The following C10orf88 variants were observed in gnomAD, a reference collection of about 807,000 sequenced individuals.
C10orf88 encodes ATPase PAAT.
In C10orf88, 29 loss-of-function variants were observed where a neutral mutation model predicts 34.2. That is an observed-to-expected ratio of 0.85 (90% CI 0.63 to 1.16). C10orf88 has a LOEUF of 1.16. Among genes scored for constraint, C10orf88 ranks in the 50% most tolerant of loss-of-function variants. The pLI is 0.00. For synonymous variants in C10orf88, 194 were observed against 197.4 expected (o/e 0.98, Z 0.15); for missense variants, 507 against 533.2 (o/e 0.95, Z 0.48).
chr10:122,940,357 T>C (rs1157366257), intron 4 of C10orf88, among the ~76,000 whole-genome samples: 1 of 151,892 alleles, frequency 6.6e-6, no homozygotes, highest in Non-Finnish European at 1.5e-5. Context: ...ATATCTAAAA[T>C]AGTTAAACTC....
At chr10:122,938,355 G>A (rs903984041) in intron 4 of C10orf88, among the ~76,000 whole-genome samples, 196 bp from the exon 5 acceptor site, 1 of 152,052 alleles carries the variant, frequency 6.6e-6, no homozygotes, top group Non-Finnish European at 1.5e-5. Context: ...TAACCAGCCA[G>A]TAAGTGGCAG....
chr10:122,953,619 T>G (rs1478121566), intron 1 of C10orf88, among the ~76,000 whole-genome samples: 1 of 152,238 alleles, frequency 6.6e-6, no homozygotes, highest in Non-Finnish European at 1.5e-5. Flanking sequence ...CAAAAGTGTA[T>G]CTTTTTCGAA....
intron 2 of C10orf88, 45 bp downstream of exon 2, chr10:122,952,784 A>G: frequency 6.2e-7 from 1 of 1,601,568 alleles, no homozygotes; most frequent in Non-Finnish European, 8.5e-7. Context: ...AGAAAAATCA[A>G]AACACTACTT....
intron 4 of C10orf88, among the ~76,000 whole-genome samples, chr10:122,944,516 A>C (rs1272379199): frequency 1.3e-5 from 2 of 152,162 alleles, no homozygotes; most frequent in Non-Finnish European, 2.9e-5. Context: ...CCTAAAACTT[A>C]AAGTATAATA....
At chr10:122,935,443 G>A (rs990778631) in intron 5 of C10orf88, among the ~76,000 whole-genome samples, 1 of 151,960 alleles carries the variant, frequency 6.6e-6, no homozygotes, top group African/African-American at 2.4e-5. Flanking sequence ...ATTGTCAAAC[G>A]TCAGTTGGTG....
At chr10:122,941,680 T>A (rs1347624994) in intron 4 of C10orf88, among the ~76,000 whole-genome samples, 1 of 152,126 alleles carries the variant, frequency 6.6e-6, no homozygotes, top group Admixed American at 6.6e-5. Flanking sequence ...CCTGTAAGAA[T>A]CACTCCATAA....
At chr10:122,934,682 A>G (rs545400478) in intron 5 of C10orf88, among the ~76,000 whole-genome samples, 8 of 152,180 alleles carry the variant, frequency 5.3e-5, no homozygotes, top group Non-Finnish European at 1.2e-4. Context: ...GTCCAGGAGT[A>G]TAATTGCTGG....
Position 122,948,667 on chromosome 10 carries a change from C to A in C10orf88, c.630G>T (p.Met210Ile). The change falls in exon 4 of 6, where the codon ATG (methionine) becomes ATT (isoleucine). Residue 210 changes from methionine to isoleucine, a missense_variant. By Grantham distance (10) the Met-to-Ile change is conservative. Transcript: ENST00000481909. ...TACTTACCCGCTGCTGACACCTAAC[C>A]ATATCCATCAACTGCTGAGCTCCAG... is the stretch of plus-strand genomic sequence containing the variant. ...LSPGAQQLMD[M>I]VRCQQRNCIP... is the part of the protein sequence containing the mutation. The A allele has an allele frequency of 6.2e-7, 1 of 1,613,822 alleles. No individual in the cohort carries two copies. The highest frequency in any genetic ancestry group is 8.5e-7 in the Non-Finnish European group (1 of 1,179,812).
In C10orf88 at chr10:122,930,943, T is replaced by C. The variant is rs779587076; in HGVS notation, c.*1484A>G. 2.6e-5 allele frequency: 4 copies of C among 152,170 alleles called. No individual in the cohort carries two copies. The highest frequency in any genetic ancestry group is 5.9e-5 in the Non-Finnish European group (4 of 68,040). The allele number at this position is 152,170 out of a possible 1,614,324, so 9.4% of individuals were successfully genotyped here. A position where few individuals can be genotyped will look rare whatever the true frequency, so the allele number is the denominator to read the frequency against. The stretch of plus-strand genomic sequence containing the variant: ...CAGGTTTTATTCAATCGCCACTGAA[T>C]TGAGAAGCAGGAGTATGGCTCACAA... On this transcript the variant is annotated 3_prime_UTR_variant, in exon 6 of 6. Transcript: ENST00000481909.
rs138722676 is a variant in C10orf88 at position 122,948,650 on chromosome 10, C to A, written c.647G>T (p.Arg216Leu). The A allele has an allele frequency of 1.2e-6, 2 of 1,612,624 alleles. No homozygotes were observed. Among genetic ancestry groups the A allele is most frequent in the Non-Finnish European group, 1.7e-6 (2 of 1,179,168 alleles). Residue 216 changes from arginine (R) to leucine (L), a missense_variant and splice_region_variant, in exon 4 of 6, where the codon CGG becomes CTG. Transcript: ENST00000481909. ...QLMDMVRCQQ[R>L]NCIPIGEQLQ... The stretch of plus-strand genomic sequence containing the variant: ...GGAAAGAAATCCATTTCTACTTACC[C>A]GCTGCTGACACCTAACCATATCCAT...
intron 4 of C10orf88, among the ~76,000 whole-genome samples, chr10:122,940,920 T>C (rs577052592): frequency 2.6e-5 from 4 of 152,192 alleles, no homozygotes; most frequent in Non-Finnish European, 4.4e-5. Context: ...TACAAAGATA[T>C]GTGTATGTGT....
intron 3 of C10orf88, 95 bp from the exon 4 acceptor site, chr10:122,948,950 T>C (rs1848665769): frequency 9.2e-7 from 1 of 1,082,272 alleles, no homozygotes; most frequent in East Asian, 2.6e-5. Context: ...AGTGAAGTAT[T>C]CAAGAATCTA....
intron 3 of C10orf88, among the ~76,000 whole-genome samples, chr10:122,949,829 A>G (rs555242468): frequency 2.2e-4 from 33 of 152,226 alleles, no homozygotes; most frequent in Non-Finnish European, 3.1e-4. Flanking sequence ...GTTTACTGAA[A>G]TAAGTAAAAT....
In C10orf88 at chr10:122,938,052, CG is replaced by C. The variant is rs1848550658; in HGVS notation, c.755del (p.Ser252CysfsTer12). On this transcript the variant is annotated frameshift_variant, in exon 5 of 6. Coordinates refer to ENST00000481909, the MANE Select transcript of C10orf88 (RefSeq NM_024942.4). LOFTEE classifies it high-confidence loss of function. The part of the protein sequence containing the change: ...SSSTLGTLNK[S>X]SSTPFPFRTG... ...TTCTAAAAGGAAAAGGTGTGGAGGA[CG>C]ACTTGTTTAAGGTTCCTAAGGTAGA... 6.2e-7 allele frequency: 1 copy of C among 1,613,106 alleles called. No individual in the cohort carries two copies. The highest frequency in any genetic ancestry group is 1.3e-5 in the African/African-American group (1 of 74,952).
chr10:122,943,443 C>T (rs1848605197), intron 4 of C10orf88, among the ~76,000 whole-genome samples: 1 of 149,506 alleles, frequency 6.7e-6, no homozygotes, highest in Non-Finnish European at 1.5e-5. Flanking sequence ...CTAGGCATTA[C>T]CATTCAGGAC....
intron 4 of C10orf88, among the ~76,000 whole-genome samples, chr10:122,942,370 A>C (rs1367572818): frequency 5.3e-5 from 8 of 152,212 alleles, no homozygotes; most frequent in Non-Finnish European, 1.2e-4. Context: ...GATAGGACAT[A>C]TCTCAAAATA....
chr10:122,952,762 T>C lies in C10orf88; in HGVS notation c.368+67A>G, dbSNP rs1265482910. On this transcript the variant is annotated intron_variant, in intron 2 of 5. Coordinates refer to ENST00000481909, the MANE Select transcript of C10orf88 (RefSeq NM_024942.4). ...ATCAATATCAGAGAATCAATAATTA[T>C]TGCAAAAAGTGAGAAAAATCAAAAC... The C allele has an allele frequency of 1.9e-6, 3 of 1,568,372 alleles. No individual in the cohort carries two copies. In the African/African-American group the frequency reaches 4.1e-5, roughly 21 times the overall value.
intron 4 of C10orf88, among the ~76,000 whole-genome samples, chr10:122,943,882 C>T (rs1043264306): frequency 6.6e-6 from 1 of 152,164 alleles, no homozygotes; most frequent in African/African-American, 2.4e-5. Context: ...ACAGCAGGTG[C>T]TGGAGAGAAT....
rs758780073 is a variant in C10orf88 at position 122,932,490 on chromosome 10, C to A, written c.1275G>T (p.Pro425=). The part of the protein sequence containing the change: ...LLDLLQNPNS[P]PTGIPLRHYD... ...AATGTCTTAGAGGTATCCCAGTGGGCGGGGAGTTAGGATTTTGCAGCAAAT... is the reference window on the plus strand; with the variant it reads ...AATGTCTTAGAGGTATCCCAGTGGGAGGGGAGTTAGGATTTTGCAGCAAAT... The change falls in exon 6 of 6, where the codon CCG becomes CCT. Residue 425 remains proline (P), a synonymous_variant. Transcript: ENST00000481909. 6.2e-7 allele frequency: 1 copy of A among 1,613,906 alleles called. No homozygotes were observed. The highest frequency in any genetic ancestry group is 8.5e-7 in the Non-Finnish European group (1 of 1,179,942).
Sources: allele counts gnomAD v4.1 joint callset (sites outside exome capture counted in the v4.1 genomes callset), GRCh38; gene constraint gnomAD v4.1.1; transcripts MANE v1.5; gene names NCBI Gene and HGNC (gene_info 2026-07-23, HGNC 2026-07-21).